NAF1: variants seen among roughly 807,000 people sequenced by gnomAD.
NAF1 encodes nuclear assembly factor 1 ribonucleoprotein.
Under a neutral mutation model 40.6 loss-of-function variants are expected in NAF1, and 11 were observed. The observed-to-expected ratio is 0.27, with a 90% CI of 0.17 to 0.45. The LOEUF (loss-of-function observed/expected upper bound fraction) is 0.45, where lower values mean the gene tolerates loss of function less well. Ranked by LOEUF, NAF1 falls within the 20% of genes least tolerant of loss-of-function variation. The probability of loss-of-function intolerance (pLI) is 1.00; values close to 1 mark genes in which losing one functional copy is unlikely to be tolerated. For missense variants in NAF1, 607 were observed against 611.1 expected (o/e 0.99, Z 0.07); for synonymous variants, 260 against 228.5 (o/e 1.14, Z -1.24).
chr4:163,130,255 A>C (rs1156824801), intron 7 of NAF1, among the ~76,000 whole-genome samples: 1 of 152,254 alleles, frequency 6.6e-6, no homozygotes, highest in Admixed American at 6.5e-5. Flanking sequence ...CAATGAAAAA[A>C]ATAAATCAAG....
rs543982970 is a variant in NAF1, at chr4:163,116,132, A to C, written c.115-5842T>G. Among the ~76,000 whole-genome samples, 6 of 152,334 alleles carry C rather than the reference A, an allele frequency of 3.9e-5. No individual in the cohort carries two copies. In the South Asian group the frequency reaches 1.2e-3, roughly 32 times the overall value. ...TGACACAATATGGCAATCTGATGACACATCATCAGTTTTTGATTGATATTG... is the reference window on the plus strand; with the variant it reads ...TGACACAATATGGCAATCTGATGACCCATCATCAGTTTTTGATTGATATTG... On this transcript the variant is annotated intron_variant, in intron 2 of 2. Transcript: ENST00000509434.
At chr4:163,108,143 T>G (rs1730079402), downstream of NAF1, among the ~76,000 whole-genome samples, 1 of 152,224 alleles carries the variant, frequency 6.6e-6, no homozygotes, top group African/African-American at 2.4e-5. Flanking sequence ...AATAACTTAT[T>G]TGGGCTTTCT....
intron 2 of NAF1, among the ~76,000 whole-genome samples, chr4:163,156,546 A>T (rs1156396088): frequency 5.3e-5 from 8 of 152,148 alleles, no homozygotes; most frequent in Admixed American, 5.2e-4. Context: ...CACACTGGCC[A>T]CATTTCAAGT....
intron 7 of NAF1, among the ~76,000 whole-genome samples, chr4:163,131,469 T>C (rs1730871365): frequency 6.6e-6 from 1 of 152,156 alleles, no homozygotes; most frequent in African/African-American, 2.4e-5. Flanking sequence ...TTCTAAAATT[T>C]ATACTGAAAG....
intron 2 of NAF1, among the ~76,000 whole-genome samples, 179 bp from the exon 3 acceptor site, chr4:163,148,613 A>G (rs1408939042): frequency 6.6e-6 from 1 of 152,080 alleles, no homozygotes; most frequent in Non-Finnish European, 1.5e-5. Context: ...TCCCTCCAAC[A>G]TTTCTCCACC....
In NAF1 at chr4:163,141,280, C is replaced by G. The variant is rs368773797; in HGVS notation, c.718-897G>C. On this transcript the variant is annotated intron_variant, in intron 4 of 7. Transcript: ENST00000274054. ...CTCAGGGGCTGAGGCAAGAGAATCACTTCAACCCAGGAGGCAGAGGTTGCA... is the reference window on the plus strand; with the variant it reads ...CTCAGGGGCTGAGGCAAGAGAATCAGTTCAACCCAGGAGGCAGAGGTTGCA... Among the ~76,000 whole-genome samples, 107 of 152,278 alleles carry G rather than the reference C, an allele frequency of 7.0e-4. No individual in the cohort carries two copies. The South Asian group carries it at 1.0e-2, about 14-fold the overall frequency.
chr4:163,122,757 A>C (rs551995155), downstream of NAF1, among the ~76,000 whole-genome samples: 1 of 152,028 alleles, frequency 6.6e-6, no homozygotes, highest in East Asian at 1.9e-4. Context: ...GAGTTCAGCC[A>C]CTCCTGTCCT....
chr4:163,158,343 G>A (rs1732076611), intron 2 of NAF1: 1 of 151,818 alleles, frequency 6.6e-6, no homozygotes, highest in African/African-American at 2.4e-5. Flanking sequence ...AAAACATATT[G>A]GAAAAAGAAT....
At chr4:163,133,357 ACT>A in intron 6 of NAF1, 101 bp from the exon 7 acceptor site, 1 of 784,028 alleles carries the variant, frequency 1.3e-6, no homozygotes. Context: ...TGCATCAATG[ACT>A]CTAAAAAAAG....
chr4:163,165,905 G>A (rs1461830540), intron 1 of NAF1, among the ~76,000 whole-genome samples: 2 of 152,090 alleles, frequency 1.3e-5, no homozygotes, highest in African/African-American at 4.8e-5. Flanking sequence ...TCAAGAGCCA[G>A]CTTTGAAACA....
downstream of NAF1, among the ~76,000 whole-genome samples, chr4:163,123,113 C>T (rs1730560459): frequency 6.6e-6 from 1 of 152,190 alleles, no homozygotes. Context: ...CCAACATCTG[C>T]CTCTGGTTAG....
chr4:163,114,545 T>C (rs1730267417), intron 2 of NAF1, among the ~76,000 whole-genome samples: 1 of 152,238 alleles, frequency 6.6e-6, no homozygotes, highest in Admixed American at 6.5e-5. Context: ...AATCACGTGT[T>C]AAACCAATCT....
chr4:163,106,055 T>C (rs77028694), downstream of NAF1, among the ~76,000 whole-genome samples: 25 of 152,330 alleles, frequency 1.6e-4, no homozygotes, highest in South Asian at 5.0e-3. Flanking sequence ...TTAGTTTTTT[T>C]GTGTAAGAAA....
intron 2 of NAF1, chr4:163,157,122 A>C (rs1404726620): frequency 6.6e-6 from 1 of 152,112 alleles, no homozygotes; most frequent in Non-Finnish European, 1.5e-5. Context: ...AATTCAACAT[A>C]CTAAAGAAGC....
chr4:163,131,126 C>G (rs182385404), intron 7 of NAF1, among the ~76,000 whole-genome samples: 137 of 152,328 alleles, frequency 9.0e-4, no homozygotes, highest in African/African-American at 3.1e-3. Flanking sequence ...CTGCCTCGGC[C>G]TCCCAAAGTG....
intron 2 of NAF1, chr4:163,158,406 T>C (rs1732079921): frequency 6.6e-6 from 1 of 152,106 alleles, no homozygotes; most frequent in South Asian, 2.1e-4. Flanking sequence ...ACATGTATTC[T>C]AATTCATTAA....
At position 163,110,392 on chromosome 4, in the gene NAF1, AGTT is replaced by A. The variant is rs750021954; in HGVS notation, c.115-105_115-103del. ...GTTATAATTGTCCTATTGTATTATT[AGTT>A]GTTGTTAATCTCTTACTGTGCCTAT... On this transcript the variant is annotated intron_variant, in intron 2 of 2. Coordinates refer to the NAF1 transcript ENST00000509434. The A allele has an allele frequency of 7.8e-5, 50 of 640,620 alleles. 1 individual carries two copies. Among genetic ancestry groups the A allele is most frequent in the Non-Finnish European group, 9.5e-5 (34 of 358,006 alleles). 39.7% of individuals were successfully genotyped at this position (640,620 alleles called of 1,614,324 possible).
chr4:163,163,613 G>A (rs958845537), intron 2 of NAF1, among the ~76,000 whole-genome samples: 1 of 146,420 alleles, frequency 6.8e-6, no homozygotes. Flanking sequence ...AGCATAAGAG[G>A]AAATAACCTT....
chr4:163,142,766 C>T (rs1211704504), intron 4 of NAF1, among the ~76,000 whole-genome samples: 1 of 152,110 alleles, frequency 6.6e-6, no homozygotes, highest in African/African-American at 2.4e-5. Context: ...AGGAATTTAA[C>T]AATATTTTAA....
Sources: gnomAD v4.1 joint callset for allele counts (sites outside exome capture counted in the v4.1 genomes callset) on GRCh38, gnomAD v4.1.1 for gene constraint, MANE v1.5 for transcripts, NCBI Gene and HGNC (gene_info 2026-07-23, HGNC 2026-07-21) for gene names.